LHPP: variants seen among roughly 807,000 people sequenced by gnomAD.
The protein encoded by LHPP is hLHPP.
In LHPP, 24 loss-of-function variants were observed where a neutral mutation model predicts 30.3. That is an observed-to-expected ratio of 0.79 (90% CI 0.57 to 1.11). LHPP has a LOEUF of 1.11. Among genes scored for constraint, LHPP ranks in the 50% most tolerant of loss-of-function variants. LHPP has a pLI of 0.00. For synonymous variants in LHPP, 150 were observed against 157.1 expected (o/e 0.95, Z 0.34); for missense variants, 356 against 367.2 (o/e 0.97, Z 0.25).
intron 6 of LHPP, among the ~76,000 whole-genome samples, chr10:124,519,101 C>T (rs1344550055): frequency 1.3e-5 from 2 of 152,178 alleles, no homozygotes; most frequent in African/African-American, 2.4e-5. Flanking sequence ...GTGTGCACCA[C>T]CACGCCTGGC....
At chr10:124,588,614 T>A (rs1434642564) in intron 6 of LHPP, among the ~76,000 whole-genome samples, 2 of 152,152 alleles carry the variant, frequency 1.3e-5, no homozygotes, top group African/African-American at 4.8e-5. Context: ...TTTTTACAGA[T>A]GTCTGCAAAA....
At chr10:124,464,427 G>T (rs1309054300) in intron 1 of LHPP, among the ~76,000 whole-genome samples, 2 of 152,166 alleles carry the variant, frequency 1.3e-5, no homozygotes, top group South Asian at 2.1e-4. Context: ...AAACGGTCCC[G>T]CATAGTGAAG....
intron 6 of LHPP, among the ~76,000 whole-genome samples, chr10:124,611,787 C>T (rs1345241071): frequency 6.6e-6 from 1 of 152,156 alleles, no homozygotes; most frequent in Non-Finnish European, 1.5e-5. Flanking sequence ...TTTGAAAGGG[C>T]CAACACGGCT....
intron 6 of LHPP, among the ~76,000 whole-genome samples, chr10:124,601,542 C>A (rs567799018): frequency 6.6e-6 from 1 of 152,192 alleles, no homozygotes. Context: ...GGCGGCCAAG[C>A]GTCACCACCA....
chr10:124,514,666 A>G (rs1050828058), intron 5 of LHPP, among the ~76,000 whole-genome samples: 2 of 151,608 alleles, frequency 1.3e-5, no homozygotes, highest in African/African-American at 4.9e-5. Flanking sequence ...GCCTTAATAC[A>G]GTTTTCTTTG....
At chr10:124,601,727 C>T (rs1330165164) in intron 6 of LHPP, among the ~76,000 whole-genome samples, 1 of 152,238 alleles carries the variant, frequency 6.6e-6, no homozygotes, top group Non-Finnish European at 1.5e-5. Flanking sequence ...TGGACAGAGA[C>T]TGGTGGGTGC....
intron 5 of LHPP, among the ~76,000 whole-genome samples, chr10:124,502,501 A>G (rs941336391): frequency 6.6e-6 from 1 of 150,952 alleles, no homozygotes; most frequent in Non-Finnish European, 1.5e-5. Context: ...AGTAGCTGGG[A>G]CTGCAGGCGC....
At chr10:124,538,667 C>T (rs1487869212) in intron 6 of LHPP, among the ~76,000 whole-genome samples, 1 of 152,196 alleles carries the variant, frequency 6.6e-6, no homozygotes, top group Non-Finnish European at 1.5e-5. Flanking sequence ...AATTGTGTTG[C>T]CAGATAGTCC....
chr10:124,597,821 C>T (rs1369734367), intron 6 of LHPP, among the ~76,000 whole-genome samples: 2 of 152,206 alleles, frequency 1.3e-5, no homozygotes, highest in Non-Finnish European at 2.9e-5. Context: ...CTGGGAGGGA[C>T]GGAGTCAGCT....
intron 6 of LHPP, among the ~76,000 whole-genome samples, chr10:124,554,460 T>C (rs1948252277): frequency 6.6e-6 from 1 of 152,220 alleles, no homozygotes; most frequent in Non-Finnish European, 1.5e-5. Context: ...CCTTCCAAAA[T>C]ACTGGGATTA....
intron 6 of LHPP, among the ~76,000 whole-genome samples, chr10:124,551,329 C>T (rs1948160968): frequency 6.6e-6 from 1 of 152,204 alleles, no homozygotes; most frequent in African/African-American, 2.4e-5. Context: ...GACTCACCTC[C>T]ACCCCTCCCT....
chr10:124,559,813 T>A (rs1264209744), intron 6 of LHPP, among the ~76,000 whole-genome samples: 2 of 152,246 alleles, frequency 1.3e-5, no homozygotes. Context: ...TTGCAGGCCT[T>A]TGGCACCTGT....
At chr10:124,527,802 A>G (rs554583532) in intron 6 of LHPP, among the ~76,000 whole-genome samples, 1 of 150,982 alleles carries the variant, frequency 6.6e-6, no homozygotes, top group South Asian at 2.1e-4. Context: ...TCTTTTTGAG[A>G]TGCGGTCTTG....
rs776482603 is a variant in LHPP at position 124,484,290 on chromosome 10, G to C, written c.277G>C (p.Glu93Gln). Residue 93 changes from glutamate to glutamine, a missense_variant, in exon 2 of 7, where the codon GAG (glutamate) becomes CAG (glutamine). Transcript: ENST00000368842. ...PAPAACQILK[E>Q]QGLRPYLLIH... ...ACCAGCTGCCTGCCAGATCCTGAAG[G>C]AGCAAGGCCTGCGACCATACCTGCT... 1.1e-5 allele frequency: 17 copies of C among 1,613,864 alleles called. No homozygotes were observed. Among genetic ancestry groups the C allele is most frequent in the Non-Finnish European group, 1.4e-5 (16 of 1,179,980 alleles).
At chr10:124,489,295 A>T (rs1357835631) in intron 3 of LHPP, among the ~76,000 whole-genome samples, 1 of 152,190 alleles carries the variant, frequency 6.6e-6, no homozygotes, top group Non-Finnish European at 1.5e-5. Flanking sequence ...TCCTGTGCGA[A>T]TAGACTATTA....
chr10:124,533,136 G>A (rs761453045), intron 6 of LHPP, among the ~76,000 whole-genome samples: 2 of 152,188 alleles, frequency 1.3e-5, no homozygotes, highest in African/African-American at 2.4e-5. Flanking sequence ...GGTGCATCAC[G>A]GCCTGGGGTT....
At chr10:124,462,510 G>A (rs367911570) in intron 1 of LHPP, among the ~76,000 whole-genome samples, 2 of 152,204 alleles carry the variant, frequency 1.3e-5, no homozygotes, top group African/African-American at 2.4e-5. Context: ...CAGGAGGATC[G>A]CTTGAGCCCA....
intron 1 of LHPP, among the ~76,000 whole-genome samples, chr10:124,474,668 C>G (rs1952887465): frequency 6.6e-6 from 1 of 152,114 alleles, no homozygotes; most frequent in Non-Finnish European, 1.5e-5. Flanking sequence ...CTCCAAACCA[C>G]AGGTCCCATC....
chr10:124,511,128 T>C (rs551429710), intron 5 of LHPP, among the ~76,000 whole-genome samples: 2 of 152,382 alleles, frequency 1.3e-5, no homozygotes, highest in East Asian at 1.9e-4. Context: ...ATTTTTACCA[T>C]ATCTGGGTAT....
Sources: gnomAD v4.1 joint callset for allele counts (sites outside exome capture counted in the v4.1 genomes callset) on GRCh38, gnomAD v4.1.1 for gene constraint, MANE v1.5 for transcripts, NCBI Gene and HGNC (gene_info 2026-07-23, HGNC 2026-07-21) for gene names.